GRID2: variants seen among roughly 807,000 people sequenced by gnomAD.
GRID2 encodes glutamate ionotropic receptor delta type subunit 2.
In GRID2, 33 loss-of-function variants were observed where a neutral mutation model predicts 114.8. The ratio of observed to expected loss-of-function variants is 0.29; its 90% CI spans 0.22 to 0.38. The LOEUF is 0.38. Ranked by LOEUF, GRID2 falls within the 10% of genes least tolerant of loss-of-function variation. The pLI is 1.00. For synonymous variants in GRID2, 505 were observed against 449.9 expected (o/e 1.12, Z -1.55); for missense variants, 1,184 against 1,257.7 (o/e 0.94, Z 0.89).
At chr4:93,217,133 T>C (rs957102142) in intron 6 of GRID2, 43 of 371,312 alleles carry the variant, frequency 1.2e-4, no homozygotes, top group African/African-American at 8.4e-4. Context: ...TAAAAAAATA[T>C]AATAAGTAAA....
At chr4:92,631,351 A>C (rs375261487) in intron 2 of GRID2, among the ~76,000 whole-genome samples, 19 of 152,238 alleles carry the variant, frequency 1.2e-4, no homozygotes, top group African/African-American at 4.3e-4. Flanking sequence ...CTCTAGGATT[A>C]TCTATCGTTA....
At position 92,452,737 on chromosome 4, in the gene GRID2, C is replaced by T. The variant is rs150791067; in HGVS notation, c.89-137394C>T. Reference sequence around the variant, plus strand: ...TTGTGAGAACTTGTATTTGGAAGTACTTAATAATAGTTTGTGAATTGTTAC... The same window carrying T: ...TTGTGAGAACTTGTATTTGGAAGTATTTAATAATAGTTTGTGAATTGTTAC... On this transcript the variant is annotated intron_variant, in intron 1 of 15. Coordinates refer to ENST00000282020, the MANE Select transcript of GRID2 (RefSeq NM_001510.4). Among the ~76,000 whole-genome samples the T allele has an allele frequency of 3.2e-3, 481 of 151,282 alleles. 4 individuals carry two copies. Among genetic ancestry groups the T allele is most frequent in the African/African-American group, 0.011 (444 of 41,220 alleles).
chr4:93,293,103 G>A (rs1753918031), intron 8 of GRID2, among the ~76,000 whole-genome samples: 1 of 152,108 alleles, frequency 6.6e-6, no homozygotes, highest in South Asian at 2.1e-4. Flanking sequence ...CCCTTAGAGT[G>A]CTCTTAACCA....
intron 14 of GRID2, among the ~76,000 whole-genome samples, chr4:93,683,921 C>T (rs2110099348): frequency 6.6e-6 from 1 of 152,072 alleles, no homozygotes; most frequent in South Asian, 2.1e-4. Flanking sequence ...CGACTTTATT[C>T]AGGAACATTG....
intron 1 of GRID2, among the ~76,000 whole-genome samples, chr4:92,393,113 G>C (rs1347770847): frequency 6.6e-6 from 1 of 152,126 alleles, no homozygotes; most frequent in African/African-American, 2.4e-5. Context: ...GCAAGAAAGA[G>C]GGATAGAGTG....
In GRID2 at chr4:92,922,663, C is replaced by T. The variant is rs1045973950; in HGVS notation, c.245-162332C>T. 2.0e-5 allele frequency among the ~76,000 whole-genome samples: 3 copies of T among 152,166 alleles called. No homozygotes were observed. The East Asian group carries it at 5.8e-4, about 29-fold the overall frequency. On this transcript the variant is annotated intron_variant, in intron 2 of 15. Transcript: ENST00000282020. ...ATCTAAAAACAACTCAAGTATACAT[C>T]AGCAGGAGGATAAATATATAAATTA...
intron 14 of GRID2, among the ~76,000 whole-genome samples, chr4:93,669,717 G>A (rs1023079672): frequency 4.6e-5 from 7 of 152,142 alleles, no homozygotes; most frequent in Admixed American, 3.3e-4. Flanking sequence ...ATGGATGGGG[G>A]AACTGCACAT....
intron 2 of GRID2, among the ~76,000 whole-genome samples, chr4:92,856,213 A>T (rs1744167233): frequency 6.6e-6 from 1 of 151,996 alleles, no homozygotes; most frequent in East Asian, 1.9e-4. Context: ...TGCTTTTTTC[A>T]CCAACAATTT....
intron 1 of GRID2, among the ~76,000 whole-genome samples, chr4:92,365,835 T>C (rs973997073): frequency 6.6e-6 from 1 of 152,086 alleles, no homozygotes; most frequent in South Asian, 2.1e-4. Context: ...TGGGTGATTC[T>C]GGTGTCAGCT....
chr4:92,317,270 A>G (rs1726039468), intron 1 of GRID2, among the ~76,000 whole-genome samples: 2 of 152,248 alleles, frequency 1.3e-5, no homozygotes, highest in Non-Finnish European at 2.9e-5. Flanking sequence ...TTTGACATTT[A>G]TGACTTTTGA....
chr4:93,681,986 A>G (rs1725598781), intron 14 of GRID2, among the ~76,000 whole-genome samples: 1 of 151,446 alleles, frequency 6.6e-6, no homozygotes, highest in Admixed American at 6.6e-5. Context: ...CATCAGAGTG[A>G]ACAGGCAACC....
intron 2 of GRID2, among the ~76,000 whole-genome samples, chr4:93,079,668 A>G (rs1183418827): frequency 6.6e-6 from 1 of 152,084 alleles, no homozygotes; most frequent in African/African-American, 2.4e-5. Flanking sequence ...TGGAATAATA[A>G]TAGCTTTTCT....
At chr4:93,316,818 C>T (rs1756707715) in intron 8 of GRID2, among the ~76,000 whole-genome samples, 1 of 152,108 alleles carries the variant, frequency 6.6e-6, no homozygotes, top group Admixed American at 6.6e-5. Flanking sequence ...TGACAGGTGG[C>T]ACCATTCCAA....
chr4:93,150,673 G>A (rs1736650893), intron 4 of GRID2, among the ~76,000 whole-genome samples: 1 of 151,834 alleles, frequency 6.6e-6, no homozygotes, highest in Non-Finnish European at 1.5e-5. Context: ...CTTAGTGTCT[G>A]TGTCCTCTCT....
At chr4:92,349,611 T>C (rs1259782636) in intron 1 of GRID2, among the ~76,000 whole-genome samples, 1 of 151,620 alleles carries the variant, frequency 6.6e-6, no homozygotes, top group African/African-American at 2.4e-5. Flanking sequence ...CTCAAATAAA[T>C]ATATGAAGAA....
intron 2 of GRID2, among the ~76,000 whole-genome samples, chr4:92,838,290 A>T (rs926121454): frequency 6.6e-6 from 1 of 152,122 alleles, no homozygotes; most frequent in Non-Finnish European, 1.5e-5. Context: ...CATGTGTGAC[A>T]TGTGAATTTT....
At chr4:92,451,953 C>G (rs1375771282) in intron 1 of GRID2, among the ~76,000 whole-genome samples, 3 of 152,116 alleles carry the variant, frequency 2.0e-5, no homozygotes, top group African/African-American at 2.4e-5. Context: ...TGTGATTTGG[C>G]TTTCTCCACT....
chr4:93,790,315 C>T (rs1322301988), intron 1 of GRID2, among the ~76,000 whole-genome samples: 10 of 152,114 alleles, frequency 6.6e-5, no homozygotes, highest in South Asian at 6.2e-4. Flanking sequence ...TTTTAGGACA[C>T]GTTACAATAA....
chr4:93,273,927 G>A (rs981844495), intron 8 of GRID2, among the ~76,000 whole-genome samples: 9 of 152,074 alleles, frequency 5.9e-5, no homozygotes, highest in African/African-American at 1.9e-4. Context: ...ATTTTAGCCT[G>A]GTGAGACACA....
Sources: allele counts gnomAD v4.1 joint callset (sites outside exome capture counted in the v4.1 genomes callset), GRCh38; gene constraint gnomAD v4.1.1; transcripts MANE v1.5; gene names NCBI Gene and HGNC (gene_info 2026-07-23, HGNC 2026-07-21).